Variants in COL6A3 observed in about 807,000 individuals in gnomAD.
The protein encoded by COL6A3 is collagen alpha-3(VI) chain.
In COL6A3, 137 loss-of-function variants were observed where a neutral mutation model predicts 274.1. The ratio of observed to expected loss-of-function variants is 0.50; its 90% CI spans 0.44 to 0.58. COL6A3 has a LOEUF of 0.58. Among genes scored for constraint, COL6A3 ranks in the 20% least tolerant of loss-of-function variants. The pLI is 0.00. For synonymous variants in COL6A3, 1,650 were observed against 1,650.6 expected, an observed-to-expected ratio of 1.00 and a Z score of 0.01; for missense variants, 3,950 against 4,124.9, an observed-to-expected ratio of 0.96 and a Z score of 1.16.
chr2:237,362,020 C>A (rs542991819), intron 14 of COL6A3, among the ~76,000 whole-genome samples, 189 bp from the exon 15 acceptor site: 3 of 152,280 alleles, frequency 2.0e-5, no homozygotes, highest in South Asian at 2.1e-4. Flanking sequence ...GAGGGCCCAG[C>A]TCCTGGCGGT....
chr2:237,367,987 C>A lies in COL6A3; in HGVS notation c.4900+576G>T, dbSNP rs538452039. Among the ~76,000 whole-genome samples the A allele has an allele frequency of 5.3e-5, 8 of 152,332 alleles. No homozygotes were observed. In the East Asian group the frequency reaches 9.6e-4, roughly 18 times the overall value. The stretch of plus-strand genomic sequence containing the variant: ...AGGCATACTGCTCCCCTTTGAAGAA[C>A]CAACCCTAATGGTTTGCTTCAGATG... On this transcript the variant is annotated intron_variant, in intron 10 of 43. Coordinates refer to ENST00000295550, the MANE Select transcript of COL6A3 (RefSeq NM_004369.4).
At chr2:237,400,263 T>C (rs147047930) in intron 1 of COL6A3, among the ~76,000 whole-genome samples, 2 of 152,356 alleles carry the variant, frequency 1.3e-5, no homozygotes, top group East Asian at 3.9e-4. Flanking sequence ...ATCAAGTATA[T>C]GTCAGATTTT....
intron 16 of COL6A3, 111 bp from the exon 17 acceptor site, chr2:237,360,270 A>C: frequency 9.1e-7 from 1 of 1,094,292 alleles, no homozygotes; most frequent in Non-Finnish European, 1.4e-6. Flanking sequence ...CAGAAAGCAG[A>C]TTTCACCATG....
At chr2:237,383,516 T>C (rs893458469) in intron 4 of COL6A3, among the ~76,000 whole-genome samples, 2 of 150,102 alleles carry the variant, frequency 1.3e-5, no homozygotes, top group East Asian at 3.9e-4. Flanking sequence ...CTTTGTACCA[T>C]TAGAGAGAAT....
chr2:237,400,772 CA>C (rs2078569341), intron 1 of COL6A3, among the ~76,000 whole-genome samples: 1 of 151,930 alleles, frequency 6.6e-6, no homozygotes, highest in East Asian at 1.9e-4. Flanking sequence ...TTTATAAGGC[CA>C]ATATTGAAAA....
chr2:237,404,093 G>C (rs2078663798), intron 1 of COL6A3, among the ~76,000 whole-genome samples: 1 of 151,998 alleles, frequency 6.6e-6, no homozygotes, highest in Admixed American at 6.5e-5. Flanking sequence ...TATCAAGCTT[G>C]AGCGTCAATT....
chr2:237,381,672 C>T (rs2078010142), intron 4 of COL6A3, among the ~76,000 whole-genome samples, 173 bp from the exon 5 acceptor site: 1 of 152,236 alleles, frequency 6.6e-6, no homozygotes, highest in African/African-American at 2.4e-5. Flanking sequence ...TTATGGTTGC[C>T]TCCCCACCTG....
rs759900925 is a variant in COL6A3, at chr2:237,368,764, C to T, written c.4699G>A (p.Gly1567Ser). The T allele has an allele frequency of 1.2e-6, 2 of 1,614,156 alleles. No homozygotes were observed. The highest frequency in any genetic ancestry group is 1.7e-6 in the Non-Finnish European group (2 of 1,180,032). ...TCTCCTACCCCTAAACTCACAATGCCCGAGGAACGGATCACCTGGGCGAAC... is the reference window on the plus strand; with the variant it reads ...TCTCCTACCCCTAAACTCACAATGCTCGAGGAACGGATCACCTGGGCGAAC... ...SRFAQVIRSS[G>S]IVSLGVGDRN... Residue 1567 changes from glycine (G) to serine (S), a missense_variant, in exon 10 of 44, where the codon GGC becomes AGC. Physicochemically the swap from Gly to Ser is moderately conservative, Grantham distance 56. Coordinates refer to ENST00000295550, the MANE Select transcript of COL6A3 (RefSeq NM_004369.4). The surrounding 1 kb of genome is among the most constrained non-coding windows in gnomAD (Gnocchi z 4.4).
chr2:237,354,695 C>T (rs1230504461), intron 24 of COL6A3, among the ~76,000 whole-genome samples: 2 of 152,130 alleles, frequency 1.3e-5, no homozygotes, highest in African/African-American at 2.4e-5. Flanking sequence ...AGCTGTGCCC[C>T]GAACACCTTG....
At chr2:237,354,325 T>C (rs1420363689) in intron 24 of COL6A3, among the ~76,000 whole-genome samples, 1 of 151,670 alleles carries the variant, frequency 6.6e-6, no homozygotes, top group Admixed American at 6.6e-5. Flanking sequence ...CCAGATTTTT[T>C]TTTTTTTAAG....
In COL6A3 at chr2:237,344,577, T is replaced by C. The variant is rs201467603; in HGVS notation, c.7441A>G (p.Thr2481Ala). 5.5e-5 allele frequency: 89 copies of C among 1,614,216 alleles called. No individual in the cohort carries two copies. The highest frequency in any genetic ancestry group is 8.3e-5 in the Admixed American group (5 of 60,034). Residue 2481 changes from threonine to alanine, a missense_variant, in exon 36 of 44, where the codon ACA becomes GCA. This residue lies in a region of COL6A3 where 1,284 missense variants were observed against 1,349.7 expected (regional missense o/e 0.95). Coordinates refer to ENST00000295550, the MANE Select transcript of COL6A3 (RefSeq NM_004369.4). This position sits in a 1 kb window ranked among gnomAD's most constrained non-coding sequence, Gnocchi z 4.8. ...GTCTCCAGACTCTGCTGTTTGGATGTCAGAGCCACCTGAAGGTTCTTAATC... is the reference window on the plus strand; with the variant it reads ...GTCTCCAGACTCTGCTGTTTGGATGCCAGAGCCACCTGAAGGTTCTTAATC... ...DKIKNLQVAL[T>A]SKQQSLETAM...
Position 237,344,514 on chromosome 2 carries a change from C to G in COL6A3, c.7504G>C (p.Val2502Leu). The G allele has an allele frequency of 1.2e-6, 2 of 1,614,228 alleles. No homozygotes were observed. Among genetic ancestry groups the G allele is most frequent in the Non-Finnish European group, 1.7e-6 (2 of 1,180,044 alleles). The change falls in exon 36 of 44, where the codon GTG (valine) becomes CTG (leucine). Residue 2502 changes from valine to leucine, a missense_variant. Around this residue, in one of 5 missense-constraint regions of COL6A3, gnomAD observed 1,284 missense variants for 1,349.7 expected, o/e 0.95. Transcript: ENST00000295550. This position sits in a 1 kb window ranked among gnomAD's most constrained non-coding sequence, Gnocchi z 4.8. ...TTCCTCATTAGGAATCCGTTCCTCA[C>G]ACGCTTAAATGTGTTCCTGGCCACA... Reference protein sequence around the residue: ...SFVARNTFKRVRNGFLMRKVA... With the variant: ...SFVARNTFKRLRNGFLMRKVA...
Position 237,368,938 on chromosome 2 carries a change from T to C in COL6A3, c.4525A>G (p.Arg1509Gly). 1.2e-6 allele frequency: 2 copies of C among 1,614,224 alleles called. No individual in the cohort carries two copies. Among genetic ancestry groups the C allele is most frequent in the Non-Finnish European group, 1.7e-6 (2 of 1,180,040 alleles). The part of the protein sequence containing the change: ...VLDAIRRLRL[R>G]GGSPLNTGKA... Reference sequence around the variant, plus strand: ...CCAGTGTTCAGTGGGGACCCCCCTCTGAGCCTCAGGCGCCGTATGGCGTCC... The same window carrying C: ...CCAGTGTTCAGTGGGGACCCCCCTCCGAGCCTCAGGCGCCGTATGGCGTCC... Residue 1509 changes from arginine (R) to glycine (G), a missense_variant, in exon 10 of 44, where the codon AGA becomes GGA. Transcript: ENST00000295550. This position sits in a 1 kb window ranked among gnomAD's most constrained non-coding sequence, Gnocchi z 4.4.
rs1300105033 is a variant in COL6A3, at chr2:237,413,951, AC to A, written c.-31+1del. 6.6e-6 allele frequency: 1 copy of A among 152,186 alleles called. No individual in the cohort carries two copies. The highest frequency in any genetic ancestry group is 2.4e-5 in the African/African-American group (1 of 41,448). 9.4% of individuals were successfully genotyped at this position (152,186 alleles called of 1,614,324 possible). A position where few individuals can be genotyped will look rare whatever the true frequency, so the allele number is the denominator to read the frequency against. The stretch of plus-strand genomic sequence containing the variant: ...GAAAAACAGAAGAGAAATCACACTT[AC>A]CCCTGAGCAAACCTGAAGGCGTGTG... On this transcript the variant is annotated splice_donor_variant, in intron 1 of 43. Transcript: ENST00000295550. LOFTEE classifies it low-confidence loss of function (5UTR_SPLICE). This position sits in a 1 kb window ranked among gnomAD's most constrained non-coding sequence, Gnocchi z 4.0.
intron 3 of COL6A3, among the ~76,000 whole-genome samples, chr2:237,388,845 T>C (rs1484606841): frequency 6.6e-6 from 1 of 152,156 alleles, no homozygotes; most frequent in Non-Finnish European, 1.5e-5. Flanking sequence ...TTGATGAAAT[T>C]TTTGTTGTTC....
At position 237,336,362 on chromosome 2, in the gene COL6A3, G is replaced by C; in HGVS notation, c.8738C>G (p.Ala2913Gly). The change falls in exon 40 of 44, where the codon GCC becomes GGC. Residue 2913 changes from alanine (A) to glycine (G), a missense_variant. This residue lies in a region of COL6A3 where 1,284 missense variants were observed against 1,349.7 expected (regional missense o/e 0.95). Transcript: ENST00000295550. ...CTTGGCAGCCACAGGTTTCGCAGGGGCCGGCTTTGCAGCGGCTGGCTTCAC... is the reference window on the plus strand; with the variant it reads ...CTTGGCAGCCACAGGTTTCGCAGGGCCCGGCTTTGCAGCGGCTGGCTTCAC... ...PSVKPAAAKP[A>G]PAKPVAAKPV... 1 of 1,614,170 alleles carries C rather than the reference G, an allele frequency of 6.2e-7. No individual in the cohort carries two copies. The highest frequency in any genetic ancestry group is 1.1e-5 in the South Asian group (1 of 91,080).
chr2:237,378,590 G>T (rs1173667384), intron 6 of COL6A3, 46 bp downstream of exon 6: 1 of 1,611,964 alleles, frequency 6.2e-7, no homozygotes, highest in East Asian at 2.2e-5. Flanking sequence ...CTCCAGGGTG[G>T]TGTCTGAGGA....
chr2:237,413,557 C>T lies in COL6A3; in HGVS notation c.-31+396G>A, dbSNP rs1010271516. Among the ~76,000 whole-genome samples the T allele has an allele frequency of 1.1e-4, 16 of 152,278 alleles. No homozygotes were observed. The highest frequency in any genetic ancestry group is 7.2e-4 in the Admixed American group (11 of 15,290). ...GAGAACATCTCCCAGCGGAGCCGCCCGGCAGGGAGCTATGCTAGTCCTCAG... is the reference window on the plus strand; with the variant it reads ...GAGAACATCTCCCAGCGGAGCCGCCTGGCAGGGAGCTATGCTAGTCCTCAG... On this transcript the variant is annotated intron_variant, in intron 1 of 43. Transcript: ENST00000295550. This position sits in a 1 kb window ranked among gnomAD's most constrained non-coding sequence, Gnocchi z 4.0.
chr2:237,394,033 C>A (rs758368490), intron 3 of COL6A3, among the ~76,000 whole-genome samples: 1 of 152,198 alleles, frequency 6.6e-6, no homozygotes, highest in African/African-American at 2.4e-5. Flanking sequence ...CCATTCAGGA[C>A]TAAATTTTTT....
Sources: allele counts gnomAD v4.1 joint callset (sites outside exome capture counted in the v4.1 genomes callset), GRCh38; gene constraint gnomAD v4.1.1; regional missense constraint gnomAD v4.1.1; non-coding constraint Gnocchi (gnomAD v3.1); transcripts MANE v1.5; gene names NCBI Gene and HGNC (gene_info 2026-07-23, HGNC 2026-07-21).